Variants in TM9SF3 observed in about 807,000 individuals in gnomAD.
TM9SF3 encodes SM-11044-binding protein.
In TM9SF3, 14 loss-of-function variants were observed where a neutral mutation model predicts 78.6. The ratio of observed to expected loss-of-function variants is 0.18; its 90% confidence interval spans 0.12 to 0.28. The LOEUF (loss-of-function observed/expected upper bound fraction) is 0.28, where lower values mean the gene tolerates loss of function less well. Among genes scored for constraint, TM9SF3 ranks in the 10% least tolerant of loss-of-function variants. TM9SF3 has a pLI of 1.00. For missense variants in TM9SF3, 496 were observed against 721.9 expected (o/e 0.69, Z 3.59); for synonymous variants, 231 against 241.7 (o/e 0.96, Z 0.41).
intron 5 of TM9SF3, among the ~76,000 whole-genome samples, chr10:96,556,152 G>C (rs1319603537): frequency 6.6e-6 from 1 of 152,066 alleles, no homozygotes; most frequent in Non-Finnish European, 1.5e-5. Context: ...AAAGAAACCT[G>C]GTGTCACAAA....
At position 96,576,630 on chromosome 10, in the gene TM9SF3, T is replaced by C. The variant is rs781687718; in HGVS notation, c.298+4A>G. 6.3e-7 allele frequency: 1 copy of C among 1,579,430 alleles called. No homozygotes were observed. The highest frequency in any genetic ancestry group is 2.0e-5 in the Admixed American group (1 of 50,962). ...CATTGTAAGGACTATTAAGGTTTAC[T>C]TACCTTTAAATTTAATATCCAGACC... is the stretch of plus-strand genomic sequence containing the variant. On this transcript the variant is annotated splice_donor_region_variant and intron_variant, in intron 2 of 14. Coordinates refer to ENST00000371142, the MANE Select transcript of TM9SF3 (RefSeq NM_020123.4).
intron 6 of TM9SF3, 146 bp downstream of exon 6, chr10:96,552,782 G>T: frequency 3.0e-6 from 2 of 661,396 alleles, no homozygotes; most frequent in Non-Finnish European, 4.3e-6. Flanking sequence ...ACCACACTGG[G>T]CATTTTACAT....
At chr10:96,527,778 C>T (rs1589445954) in intron 12 of TM9SF3, among the ~76,000 whole-genome samples, 2 of 152,000 alleles carry the variant, frequency 1.3e-5, no homozygotes, top group Admixed American at 6.6e-5. Flanking sequence ...TGGAGCAATG[C>T]TTCTCATAAA....
In TM9SF3 at chr10:96,586,790, G is replaced by A; in HGVS notation, c.46C>T (p.Leu16=). 7.8e-7 allele frequency: 1 copy of A among 1,284,052 alleles called. No individual in the cohort carries two copies. Among genetic ancestry groups the A allele is most frequent in the Non-Finnish European group, 9.9e-7 (1 of 1,013,466 alleles). The allele number at this position is 1,284,052 out of a possible 1,614,324, so 79.5% of individuals were successfully genotyped here. ...GALGVAAAAA[L]WLLLLLLPRT... Reference sequence around the variant, plus strand: ...GGCAGCAGCAGCAGCAGCAGCCACAGCGCGGCGGCCGCCGCCACGCCAAGA... The same window carrying A: ...GGCAGCAGCAGCAGCAGCAGCCACAACGCGGCGGCCGCCGCCACGCCAAGA... The change falls in exon 1 of 15, where the codon CTG becomes TTG. Residue 16 remains leucine (L), a synonymous_variant. Transcript: ENST00000371142.
intron 5 of TM9SF3, among the ~76,000 whole-genome samples, chr10:96,558,996 C>T (rs911407936): frequency 2.0e-5 from 3 of 152,118 alleles, no homozygotes; most frequent in African/African-American, 7.2e-5. Flanking sequence ...CTGTACAAAA[C>T]CAACACTAAT....
At chr10:96,529,215 CCTAAGGTACT>C (rs1847870511) in intron 11 of TM9SF3, among the ~76,000 whole-genome samples, 1 of 152,140 alleles carries the variant, frequency 6.6e-6, no homozygotes, top group Non-Finnish European at 1.5e-5. Context: ...CACTCCAACT[CCTAAGGTACT>C]AATGCCCATA....
At chr10:96,570,246 T>C (rs985744608) in intron 2 of TM9SF3, among the ~76,000 whole-genome samples, 4 of 152,160 alleles carry the variant, frequency 2.6e-5, no homozygotes, top group African/African-American at 9.7e-5. Context: ...TTAAATAAAC[T>C]TTAATAAATA....
chr10:96,562,067 A>C lies in TM9SF3; in HGVS notation c.493T>G (p.Phe165Val), dbSNP rs758371131. ...LWTYKKLEIG[F>V]NGNRIVDVNL... The stretch of plus-strand genomic sequence containing the variant: ...ACATCAACAATTCGATTTCCATTAA[A>C]ACCTATTTCAAGTTTTTTATAGGTC... The change falls in exon 4 of 15, where the codon TTT becomes GTT. Residue 165 changes from phenylalanine (F) to valine (V), a missense_variant. By Grantham distance (50) the Phe-to-Val change is conservative. Around this residue, in one of 4 missense-constraint regions of TM9SF3, gnomAD observed 155 missense variants for 241.6 expected, o/e 0.64. Transcript: ENST00000371142. The C allele has an allele frequency of 6.2e-7, 1 of 1,613,448 alleles. No individual in the cohort carries two copies. The highest frequency in any genetic ancestry group is 1.1e-5 in the South Asian group (1 of 91,058).
intron 1 of TM9SF3, among the ~76,000 whole-genome samples, chr10:96,579,192 T>C (rs1354924962): frequency 6.6e-6 from 1 of 152,192 alleles, no homozygotes; most frequent in East Asian, 1.9e-4. Flanking sequence ...AAGTTTGAAG[T>C]ATGTGAAATG....
At chr10:96,524,647 G>C (rs1009780141) in intron 14 of TM9SF3, among the ~76,000 whole-genome samples, 2 of 151,740 alleles carry the variant, frequency 1.3e-5, no homozygotes, top group South Asian at 4.2e-4. Flanking sequence ...AGGAATAATA[G>C]AGGTGCACTT....
chr10:96,544,521 C>G (rs555883785), intron 8 of TM9SF3, among the ~76,000 whole-genome samples: 20 of 152,080 alleles, frequency 1.3e-4, no homozygotes, highest in Middle Eastern at 3.4e-3. Context: ...GTTTTTATTA[C>G]TGGTTTAAAT....
rs1415682546 is a variant in TM9SF3, at chr10:96,521,392, C to T, written c.*871G>A. 1.3e-5 allele frequency: 2 copies of T among 152,480 alleles called. No individual in the cohort carries two copies. 9.4% of individuals were successfully genotyped at this position (152,480 alleles called of 1,614,324 possible). A position where few individuals can be genotyped will look rare whatever the true frequency, so the allele number is the denominator to read the frequency against. On this transcript the variant is annotated 3_prime_UTR_variant, in exon 15 of 15. Coordinates refer to ENST00000371142, the MANE Select transcript of TM9SF3 (RefSeq NM_020123.4). ...TTCTTATGTAAAACCTTCATTCAAA[C>T]CCAAAAGATTTAAGACTAACTTGGG...
intron 5 of TM9SF3, among the ~76,000 whole-genome samples, chr10:96,559,241 ACT>A (rs750498626): frequency 5.3e-5 from 8 of 151,950 alleles, no homozygotes; most frequent in Non-Finnish European, 1.0e-4. Flanking sequence ...CCTATAATAT[ACT>A]CTCTGAGTGT....
At chr10:96,561,904 A>G (rs544518832) in intron 4 of TM9SF3, 74 bp downstream of exon 4, 1 of 1,268,984 alleles carries the variant, frequency 7.9e-7, no homozygotes, top group African/African-American at 1.5e-5. Context: ...TTCATTTACT[A>G]AAGTTCAAAG....
chr10:96,534,584 T>A (rs1847934153), intron 9 of TM9SF3, among the ~76,000 whole-genome samples: 1 of 152,118 alleles, frequency 6.6e-6, no homozygotes, highest in African/African-American at 2.4e-5. Context: ...GAACTCTAAT[T>A]TCAAATAAGA....
chr10:96,527,226 C>T lies in TM9SF3; in HGVS notation c.1689G>A (p.Leu563=), dbSNP rs1399638137. ...FGYMAVFSTA[L]GIMCGAIGYM... is the part of the protein sequence containing the mutation. ...TTCAAAACTTACCACACATTATCCC[C>T]AAGGCTGTGCTAAATACCGCCATAT... Residue 563 remains leucine, a synonymous_variant, in exon 14 of 15, where the codon TTG becomes TTA. Coordinates refer to ENST00000371142, the MANE Select transcript of TM9SF3 (RefSeq NM_020123.4). 2 of 1,610,676 alleles carry T rather than the reference C, an allele frequency of 1.2e-6. No homozygotes were observed. Among genetic ancestry groups the T allele is most frequent in the Non-Finnish European group, 1.7e-6 (2 of 1,178,486 alleles).
chr10:96,579,753 CAGACTGTGGTTTAA>C (rs1848539364), intron 1 of TM9SF3, among the ~76,000 whole-genome samples: 1 of 152,142 alleles, frequency 6.6e-6, no homozygotes, highest in African/African-American at 2.4e-5. Flanking sequence ...CCTTACTATG[CAGACTGTGGTTTAA>C]TACAATTAAC....
rs1847779575 is a variant in TM9SF3, at chr10:96,521,850, T to C, written c.*413A>G. The C allele has an allele frequency of 6.4e-6, 1 of 156,284 alleles. No homozygotes were observed. Among genetic ancestry groups the C allele is most frequent in the Non-Finnish European group, 1.4e-5 (1 of 70,666 alleles). The allele number at this position is 156,284 out of a possible 1,614,324, so 9.7% of individuals were successfully genotyped here. A position where few individuals can be genotyped will look rare whatever the true frequency, so the allele number is the denominator to read the frequency against. On this transcript the variant is annotated 3_prime_UTR_variant, in exon 15 of 15. Coordinates refer to ENST00000371142, the MANE Select transcript of TM9SF3 (RefSeq NM_020123.4). ...TCTGGAACATCATTTTTCAATAACA[T>C]AGAAACACTAAGTGCCAGGAAGATT...
At position 96,518,142 on chromosome 10, in the gene TM9SF3, C is replaced by CA. The variant is rs771644342; in HGVS notation, c.*4120dup. On this transcript the variant is annotated 3_prime_UTR_variant, in exon 15 of 15. Coordinates refer to ENST00000371142, the MANE Select transcript of TM9SF3 (RefSeq NM_020123.4). ...AACTTTTTATTACTTTTTAAAAATC[C>CA]AAATTCAGATAAATTAACACACTAG... The CA allele has an allele frequency of 2.2e-4, 34 of 152,180 alleles. No homozygotes were observed. The East Asian group carries it at 3.9e-3, about 17-fold the overall frequency. The allele number at this position is 152,180 out of a possible 1,614,324, so 9.4% of individuals were successfully genotyped here. A position where few individuals can be genotyped will look rare whatever the true frequency, so the allele number is the denominator to read the frequency against.
Sources: gnomAD v4.1 joint callset for allele counts (sites outside exome capture counted in the v4.1 genomes callset) on GRCh38, gnomAD v4.1.1 for gene constraint, gnomAD v4.1.1 regional missense constraint, MANE v1.5 for transcripts, NCBI Gene and HGNC (gene_info 2026-07-23, HGNC 2026-07-21) for gene names.